CSF2RA: variants seen among roughly 807,000 people sequenced by gnomAD.
CSF2RA encodes the protein granulocyte-macrophage colony-stimulating factor receptor subunit alpha.
CSF2RA carries 42 observed loss-of-function variants against 51.6 expected under a neutral mutation model. The observed-to-expected ratio is 0.81, with a 90% CI of 0.64 to 1.05. CSF2RA has a LOEUF of 1.05. Among genes scored for constraint, CSF2RA ranks in the 50% least tolerant of loss-of-function variants. CSF2RA has a pLI of 0.00. For synonymous variants in CSF2RA, 222 were observed against 193.0 expected, an observed-to-expected ratio of 1.15 and a Z score of -1.24; for missense variants, 530 against 501.1, an observed-to-expected ratio of 1.06 and a Z score of -0.55.
At chrX:1,301,136 G>C (rs1241075593) in intron 10 of CSF2RA, among the ~76,000 whole-genome samples, 4 of 149,902 alleles carry the variant, frequency 2.7e-5, no homozygotes, top group Non-Finnish European at 5.9e-5. Flanking sequence ...CTGGGTGACA[G>C]CGTGAGACTC....
intron 7 of CSF2RA, among the ~76,000 whole-genome samples, chrX:1,291,749 C>A (rs778502213): frequency 8.6e-5 from 13 of 151,134 alleles, no homozygotes; most frequent in Admixed American, 5.9e-4. Flanking sequence ...AGGAGGAGAC[C>A]CTGTACCACC....
chrX:1,319,048 T>A, the CSF2RA span, among the ~76,000 whole-genome samples: 1 of 149,716 alleles, frequency 6.7e-6, no homozygotes, highest in Non-Finnish European at 1.5e-5. Context: ...CAGGCTGGAG[T>A]ACAGTGGCAT....
At chrX:1,303,508 GGGATGACAGGTGTGAGCC>G in intron 10 of CSF2RA, 1 of 486,820 alleles carries the variant, frequency 2.1e-6, no homozygotes, top group Non-Finnish European at 3.6e-6. Flanking sequence ...CCAAAGTGCT[GGGATGACAGGTGTGAGCC>G]ACCGTGCCTG....
intron 9 of CSF2RA, 186 bp downstream of exon 9, chrX:1,295,642 T>A: frequency 4.9e-6 from 3 of 616,102 alleles, no homozygotes; most frequent in Admixed American, 3.0e-5. Context: ...CCCCTACTCA[T>A]GACCCCTACA....
intron 9 of CSF2RA, among the ~76,000 whole-genome samples, chrX:1,299,870 A>G (rs779769946): frequency 6.6e-6 from 1 of 151,990 alleles, no homozygotes; most frequent in East Asian, 1.9e-4. Flanking sequence ...GTGAGCCCAG[A>G]TCATGCCATT....
In CSF2RA at chrX:1,285,935, C is replaced by G. The variant is rs376331806; in HGVS notation, c.219+15C>G. 4.3e-6 allele frequency: 7 copies of G among 1,613,576 alleles called. No homozygotes were observed. The highest frequency in any genetic ancestry group is 5.9e-6 in the Non-Finnish European group (7 of 1,179,786). On this transcript the variant is annotated intron_variant, in intron 4 of 12. Coordinates refer to ENST00000381529, the MANE Select transcript of CSF2RA (RefSeq NM_172245.4). ...TGGAACCCAGGGTGAGACGAATTTC[C>G]CATTCTCAACCCCTGTCCTTTACAC...
chrX:1,322,313 C>T, the CSF2RA span, among the ~76,000 whole-genome samples: 11 of 150,602 alleles, frequency 7.3e-5, no homozygotes, highest in Admixed American at 2.7e-4. Context: ...GGACTTTCAC[C>T]GTGTTAGCCA....
At chrX:1,304,904 A>T (rs2083404401) in intron 11 of CSF2RA, among the ~76,000 whole-genome samples, 1 of 149,228 alleles carries the variant, frequency 6.7e-6, no homozygotes. Context: ...ACCTCAGGTG[A>T]TCCACCCGCC....
downstream of CSF2RA, among the ~76,000 whole-genome samples, chrX:1,311,955 A>AATTATT (rs1277453753): frequency 1.3e-5 from 2 of 151,720 alleles, no homozygotes; most frequent in Middle Eastern, 3.4e-3. Flanking sequence ...TCATAAGGAC[A>AATTATT]ATTATTATTA....
chrX:1,271,503 C>T (rs777733563), intron 1 of CSF2RA, among the ~76,000 whole-genome samples: 1 of 146,940 alleles, frequency 6.8e-6, no homozygotes, highest in African/African-American at 2.4e-5. Flanking sequence ...CCATGCCCAG[C>T]TAATTTTTGA....
chrX:1,295,465 A>G lies in CSF2RA; in HGVS notation c.810+9A>G. ...GCACGGAAAACCTACTGGTAAGTGAAACCACAGACCCTACTGACAACCCTC... is the reference window on the plus strand; with the variant it reads ...GCACGGAAAACCTACTGGTAAGTGAGACCACAGACCCTACTGACAACCCTC... On this transcript the variant is annotated intron_variant, in intron 9 of 12. Coordinates refer to ENST00000381529, the MANE Select transcript of CSF2RA (RefSeq NM_172245.4). 5 of 1,613,356 alleles carry G rather than the reference A, an allele frequency of 3.1e-6. No individual in the cohort carries two copies. Among genetic ancestry groups the G allele is most frequent in the Non-Finnish European group, 4.2e-6 (5 of 1,179,512 alleles).
At chrX:1,314,661 G>C (rs1457295423), downstream of CSF2RA, among the ~76,000 whole-genome samples, 4 of 716 alleles carry the variant, frequency 5.6e-3, 2 homozygotes, top group Admixed American at 0.013. Flanking sequence ...CTGCCCAACT[G>C]CACTGCACTT....
intron 9 of CSF2RA, among the ~76,000 whole-genome samples, chrX:1,296,096 C>A (rs2091924836): frequency 6.6e-6 from 1 of 151,384 alleles, no homozygotes. Flanking sequence ...ACCCTACAAT[C>A]CCCTACTCAC....
chrX:1,269,406 A>AG (rs1188729717), intron 1 of CSF2RA, among the ~76,000 whole-genome samples: 7 of 151,892 alleles, frequency 4.6e-5, no homozygotes, highest in Non-Finnish European at 1.0e-4. Flanking sequence ...GGATCACCTG[A>AG]GGTCGACAGT....
In CSF2RA at chrX:1,309,529, G is replaced by A. The variant is rs749685011; in HGVS notation, c.*50G>A. ...TGGACATCTCCGCCTCCGCGACACG[G>A]GGGAACTGTTTTCTTGATGATGCTG... On this transcript the variant is annotated 3_prime_UTR_variant, in exon 13 of 13. Coordinates refer to ENST00000381529, the MANE Select transcript of CSF2RA (RefSeq NM_172245.4). The A allele has an allele frequency of 6.2e-7, 1 of 1,613,974 alleles. No homozygotes were observed. The highest frequency in any genetic ancestry group is 1.7e-5 in the Admixed American group (1 of 60,014).
the CSF2RA span, among the ~76,000 whole-genome samples, chrX:1,317,354 C>A: frequency 7.0e-6 from 1 of 141,900 alleles, no homozygotes; most frequent in African/African-American, 2.6e-5. Flanking sequence ...CGGGTTCCAG[C>A]GATTCTCCCG....
intron 4 of CSF2RA, among the ~76,000 whole-genome samples, chrX:1,286,446 G>A (rs1440827774): frequency 4.1e-5 from 6 of 145,830 alleles, no homozygotes; most frequent in Non-Finnish European, 7.5e-5. Context: ...GCAGGCATCT[G>A]TAATCCCAGC....
At chrX:1,319,472 C>T in the CSF2RA span, among the ~76,000 whole-genome samples, 1 of 148,324 alleles carries the variant, frequency 6.7e-6, no homozygotes, top group African/African-American at 2.5e-5. Flanking sequence ...ATTTTTAGTA[C>T]AGACGGGGTC....
chrX:1,311,103 G>A (rs2084160468), downstream of CSF2RA, among the ~76,000 whole-genome samples: 1 of 151,860 alleles, frequency 6.6e-6, no homozygotes, highest in Admixed American at 6.6e-5. Context: ...CAAAAAGTTA[G>A]CTGGGTGTGG....
Sources: gnomAD v4.1 joint callset for allele counts (sites outside exome capture counted in the v4.1 genomes callset) on GRCh38, gnomAD v4.1.1 for gene constraint, MANE v1.5 for transcripts, NCBI Gene and HGNC (gene_info 2026-07-23, HGNC 2026-07-21) for gene names.